The following ZNF33B variants were observed in gnomAD, a reference collection of about 807,000 sequenced individuals.
ZNF33B encodes zinc finger protein 33B, also known as zinc finger protein 11b (KOX 2).
A neutral mutation model predicts 45.8 loss-of-function variants in ZNF33B; 29 were observed. That is an observed-to-expected ratio of 0.63 (90% CI 0.47 to 0.86). ZNF33B has a LOEUF of 0.86. Among genes scored for constraint, ZNF33B ranks in the 40% least tolerant of loss-of-function variants. ZNF33B has a pLI of 0.00. For missense variants in ZNF33B, 831 were observed against 909.9 expected (o/e 0.91, Z 1.12); for synonymous variants, 305 against 307.8 (o/e 0.99, Z 0.10).
chr10:42,582,823 G>C (rs868148667), intron 1 of ZNF33B: 2 of 271,436 alleles, frequency 7.4e-6, no homozygotes, highest in Middle Eastern at 4.4e-4. Context: ...AGAAGCCTCA[G>C]CCCTGGGCCC....
Position 42,593,587 on chromosome 10 carries a change from G to A in ZNF33B, c.1363C>T (p.His455Tyr). ...TGAGTTCTCTGGTGTACTGTAAGGTGTGAATTCATACAGAAGGATTTTCCA... is the reference window on the plus strand; with the variant it reads ...TGAGTTCTCTGGTGTACTGTAAGGTATGAATTCATACAGAAGGATTTTCCA... ...ECGKSFCMNS[H>Y]LTVHQRTHTG... The change falls in exon 5 of 5, where the codon CAC (histidine) becomes TAC (tyrosine). Residue 455 changes from histidine (H) to tyrosine (Y), a missense_variant. Coordinates refer to ENST00000359467, the MANE Select transcript of ZNF33B (RefSeq NM_006955.3). The A allele has an allele frequency of 6.2e-7, 1 of 1,613,706 alleles. No homozygotes were observed. Among genetic ancestry groups the A allele is most frequent in the Non-Finnish European group, 8.5e-7 (1 of 1,179,890 alleles).
At chr10:42,601,626 AC>A (rs1837627013) in intron 4 of ZNF33B, among the ~76,000 whole-genome samples, 1 of 151,654 alleles carries the variant, frequency 6.6e-6, no homozygotes, top group South Asian at 2.1e-4. Flanking sequence ...GGTGCCTGCC[AC>A]CACACCCGGC....
intron 2 of ZNF33B, 145 bp downstream of exon 2, chr10:42,636,775 C>G: frequency 2.7e-6 from 3 of 1,100,462 alleles, no homozygotes; most frequent in Admixed American, 2.1e-5. Context: ...TTGCAGTGAA[C>G]AGAGATGGAG....
In ZNF33B at chr10:42,590,812, T is replaced by G. The variant is rs1177754634; in HGVS notation, c.*1801A>C. 6.6e-6 allele frequency: 1 copy of G among 152,208 alleles called. No individual in the cohort carries two copies. Among genetic ancestry groups the G allele is most frequent in the African/African-American group, 2.4e-5 (1 of 41,460 alleles). The allele number at this position is 152,208 out of a possible 1,614,324, so 9.4% of individuals were successfully genotyped here. On this transcript the variant is annotated 3_prime_UTR_variant, in exon 5 of 5. Transcript: ENST00000359467. ...TTTGGTATTAGCAGTATTTGTCTTC[T>G]GTTTTTTCTTAATCTAGCTAGAGGT...
In ZNF33B at chr10:42,592,949, A is replaced by G. The variant is rs1476439657; in HGVS notation, c.2001T>C (p.Cys667=). 1.2e-6 allele frequency: 2 copies of G among 1,613,826 alleles called. No homozygotes were observed. The highest frequency in any genetic ancestry group is 2.2e-5 in the South Asian group (2 of 91,068). ...RTHTQEKPYK[C]NECGKSFCVK... ...CACAGAAAGATTTTCCACATTCGTT[A>G]CATTTATAAGGCTTTTCTTGTGTAT... The change falls in exon 5 of 5, where the codon TGT becomes TGC. Residue 667 remains cysteine (C), a synonymous_variant. Coordinates refer to ENST00000359467, the MANE Select transcript of ZNF33B (RefSeq NM_006955.3).
At chr10:42,612,236 T>C (rs1838131479) in intron 4 of ZNF33B, among the ~76,000 whole-genome samples, 1 of 147,436 alleles carries the variant, frequency 6.8e-6, no homozygotes, top group African/African-American at 2.5e-5. Flanking sequence ...GAAGTTGATT[T>C]TTTTTTTTTT....
chr10:42,593,019 T>C lies in ZNF33B; in HGVS notation c.1931A>G (p.Lys644Arg), dbSNP rs770614747. 6 of 1,614,024 alleles carry C rather than the reference T, an allele frequency of 3.7e-6. No individual in the cohort carries two copies. The East Asian group carries it at 1.1e-4, about 30-fold the overall frequency. ...TAGAGCTGACTTATGGCAGAAAGCT[T>C]TTCCACACTCATTACATTCATAGGG... is the stretch of plus-strand genomic sequence containing the variant. ...EKPYECNECG[K>R]AFCHKSALIV... The change falls in exon 5 of 5, where the codon AAA becomes AGA. Residue 644 changes from lysine to arginine, a missense_variant. Physicochemically the swap from Lys to Arg is conservative, Grantham distance 26 (BLOSUM62 2). Transcript: ENST00000359467.
intron 4 of ZNF33B, among the ~76,000 whole-genome samples, chr10:42,597,547 A>G (rs1052095326): frequency 1.3e-4 from 20 of 152,124 alleles, no homozygotes; most frequent in African/African-American, 4.8e-4. Flanking sequence ...TAGCAACTTC[A>G]TTTTCAATAT....
At chr10:42,602,102 T>C (rs1837654842) in intron 4 of ZNF33B, among the ~76,000 whole-genome samples, 1 of 151,742 alleles carries the variant, frequency 6.6e-6, no homozygotes, top group Non-Finnish European at 1.5e-5. Context: ...TGTTGTTTCA[T>C]TTTTGGTACA....
At position 42,591,536 on chromosome 10, in the gene ZNF33B, G is replaced by A. The variant is rs1837123723; in HGVS notation, c.*1077C>T. ...AGGACACGACAAACACCTGGGATGGGCCTGATGAAGTAACCACTACTAAAT... is the reference window on the plus strand; with the variant it reads ...AGGACACGACAAACACCTGGGATGGACCTGATGAAGTAACCACTACTAAAT... On this transcript the variant is annotated 3_prime_UTR_variant, in exon 5 of 5. Transcript: ENST00000359467. 1 of 396,974 alleles carries A rather than the reference G, an allele frequency of 2.5e-6. No homozygotes were observed. Among genetic ancestry groups the A allele is most frequent in the Admixed American group, 6.4e-5 (1 of 15,560 alleles). The allele number at this position is 396,974 out of a possible 1,614,324, so 24.6% of individuals were successfully genotyped here.
At position 42,594,284 on chromosome 10, in the gene ZNF33B, A is replaced by G. The variant is rs777547243; in HGVS notation, c.666T>C (p.Ser222=). 31 of 1,613,852 alleles carry G rather than the reference A, an allele frequency of 1.9e-5. No homozygotes were observed. Among genetic ancestry groups the G allele is most frequent in the African/African-American group, 8.0e-5 (6 of 75,024 alleles). ...IQTLDHNFEY[S]ICQETLLEKA... ...TTTCAAGGAGGGTTTCCTGACATAT[A>G]CTGTATTCAAAATTGTGGTCTAAAG... The change falls in exon 5 of 5, where the codon AGT becomes AGC. Residue 222 remains serine (S), a synonymous_variant. Transcript: ENST00000359467.
At chr10:42,638,341 A>G in intron 1 of ZNF33B, 133 bp downstream of exon 1, 1 of 315,218 alleles carries the variant, frequency 3.2e-6, no homozygotes, top group South Asian at 2.7e-5. Context: ...GACATGCTGC[A>G]GCCCCGCCGT....
At chr10:42,582,147 A>G (rs548886711) in intron 1 of ZNF33B, 6 of 152,382 alleles carry the variant, frequency 3.9e-5, no homozygotes, top group African/African-American at 1.4e-4. Flanking sequence ...GCATTCCTCT[A>G]TGCCCTCCAG....
chr10:42,590,919 A>C lies in ZNF33B; in HGVS notation c.*1694T>G, dbSNP rs1837095420. The C allele has an allele frequency of 6.5e-6, 1 of 153,680 alleles. No homozygotes were observed. Among genetic ancestry groups the C allele is most frequent in the East Asian group, 1.9e-4 (1 of 5,202 alleles). 9.5% of individuals were successfully genotyped at this position (153,680 alleles called of 1,614,324 possible). Reference sequence around the variant, plus strand: ...TTTCAATTTCACTGATTTTTACTCTAATTTTTTTCCAGGTTACTTTGGATT... The same window carrying C: ...TTTCAATTTCACTGATTTTTACTCTCATTTTTTTCCAGGTTACTTTGGATT... On this transcript the variant is annotated 3_prime_UTR_variant, in exon 5 of 5. Coordinates refer to ENST00000359467, the MANE Select transcript of ZNF33B (RefSeq NM_006955.3).
chr10:42,603,608 C>G (rs1201803202), intron 4 of ZNF33B, among the ~76,000 whole-genome samples: 9 of 152,172 alleles, frequency 5.9e-5, no homozygotes, highest in Admixed American at 5.9e-4. Context: ...AAAGCAAACT[C>G]AAAGCCTCAA....
intron 2 of ZNF33B, among the ~76,000 whole-genome samples, chr10:42,634,646 G>T (rs1485446306): frequency 6.6e-6 from 1 of 152,050 alleles, no homozygotes; most frequent in Admixed American, 6.5e-5. Flanking sequence ...AGACATATAT[G>T]TACACATAAT....
chr10:42,578,051 G>A (rs1836773798), intron 1 of ZNF33B, among the ~76,000 whole-genome samples: 1 of 148,630 alleles, frequency 6.7e-6, no homozygotes, highest in African/African-American at 2.4e-5. Context: ...TGCCCTGAGG[G>A]GACCTCTGGG....
intron 4 of ZNF33B, among the ~76,000 whole-genome samples, chr10:42,604,836 GC>G (rs1837771102): frequency 6.6e-6 from 1 of 151,750 alleles, no homozygotes; most frequent in African/African-American, 2.4e-5. Flanking sequence ...CAGGAGAATC[GC>G]TTGACCCCAT....
At chr10:42,609,144 A>AGT (rs1305793253) in intron 4 of ZNF33B, among the ~76,000 whole-genome samples, 1 of 152,212 alleles carries the variant, frequency 6.6e-6, no homozygotes, top group African/African-American at 2.4e-5. Context: ...GGTGGGATGC[A>AGT]GTGGCTCATG....
Sources: allele counts gnomAD v4.1 joint callset (sites outside exome capture counted in the v4.1 genomes callset), GRCh38; gene constraint gnomAD v4.1.1; transcripts MANE v1.5; gene names NCBI Gene and HGNC (gene_info 2026-07-23, HGNC 2026-07-21).